The following FRYL variants were observed in gnomAD, a reference collection of about 807,000 sequenced individuals.
FRYL encodes FRY like transcription coactivator.
A neutral mutation model predicts 351.2 loss-of-function variants in FRYL; 150 were observed. The ratio of observed to expected loss-of-function variants is 0.43; its 90% CI spans 0.37 to 0.49. The LOEUF is 0.49. FRYL is among the 20% of genes least tolerant of loss of function. The pLI is 0.00. For missense variants in FRYL, 3,036 were observed against 3,619.3 expected (o/e 0.84, Z 4.13); for synonymous variants, 1,153 against 1,257.1 (o/e 0.92, Z 1.75).
Position 48,579,180 on chromosome 4 carries a change from G to A in FRYL, c.2321C>T (p.Ser774Phe). 6.2e-7 allele frequency: 1 copy of A among 1,613,826 alleles called. No homozygotes were observed. Among genetic ancestry groups the A allele is most frequent in the Non-Finnish European group, 8.5e-7 (1 of 1,179,754 alleles). The change falls in exon 23 of 64, where the codon TCT (serine) becomes TTT (phenylalanine). Residue 774 changes from serine to phenylalanine, a missense_variant. By Grantham distance (155) the Ser-to-Phe change is radical. Around this residue, in one of 7 missense-constraint regions of FRYL, gnomAD observed 492 missense variants for 551.5 expected, o/e 0.89. Transcript: ENST00000358350. ...DLQTLAEWNS[S>F]PISHQFDVIS... ...CACATCAAACTGGTGGCTAATAGGA[G>A]AAGAGTTCCATTCTGCTAAAGTTTG... is the stretch of plus-strand genomic sequence containing the variant.
At chr4:48,671,831 C>CGA (rs1006122077) in intron 3 of FRYL, among the ~76,000 whole-genome samples, 3 of 111,752 alleles carry the variant, frequency 2.7e-5, no homozygotes, top group African/African-American at 3.4e-5. Flanking sequence ...CCAGCCTGGG[C>CGA]GAGAGAGAGA....
chr4:48,678,652 A>G (rs1443959406), intron 3 of FRYL, among the ~76,000 whole-genome samples: 2 of 151,878 alleles, frequency 1.3e-5, no homozygotes, highest in African/African-American at 4.8e-5. Flanking sequence ...TCATTTCCTG[A>G]GGTTGAATTT....
chr4:48,773,788 A>ATGCCT (rs1775750101), intron 1 of FRYL, among the ~76,000 whole-genome samples: 1 of 152,170 alleles, frequency 6.6e-6, no homozygotes, highest in African/African-American at 2.4e-5. Context: ...GTGGTGGCAC[A>ATGCCT]TGCCTGTGGT....
intron 47 of FRYL, 72 bp downstream of exon 47, chr4:48,539,899 T>C: frequency 1.8e-6 from 2 of 1,104,032 alleles, no homozygotes; most frequent in Non-Finnish European, 2.7e-6. Flanking sequence ...TTTAAGAGAT[T>C]TCCCCCTCCT....
At chr4:48,692,159 T>G (rs1765732978) in intron 2 of FRYL, among the ~76,000 whole-genome samples, 1 of 152,206 alleles carries the variant, frequency 6.6e-6, no homozygotes, top group African/African-American at 2.4e-5. Context: ...TATTTAGCCC[T>G]GAGTTAGGAT....
intron 4 of FRYL, among the ~76,000 whole-genome samples, chr4:48,633,725 T>A (rs1358631083): frequency 6.6e-6 from 1 of 152,170 alleles, no homozygotes; most frequent in Non-Finnish European, 1.5e-5. Context: ...CTGCAACCAT[T>A]TCTACTTCTA....
At chr4:48,616,085 G>T (rs1381698188) in intron 7 of FRYL, among the ~76,000 whole-genome samples, 1 of 152,060 alleles carries the variant, frequency 6.6e-6, no homozygotes, top group Admixed American at 6.6e-5. Context: ...GGGAGCTAGG[G>T]GAGGGACGGC....
Position 48,634,484 on chromosome 4 carries a change from G to A in FRYL, c.-74C>T, listed in dbSNP as rs777626812. ...GTATTTATTTACTTTGCTGACTGGCGCTGAAGCTAAAAGTAAAAGAAACAA... is the reference window on the plus strand; with the variant it reads ...GTATTTATTTACTTTGCTGACTGGCACTGAAGCTAAAAGTAAAAGAAACAA... On this transcript the variant is annotated 5_prime_UTR_variant, in exon 4 of 64. Transcript: ENST00000358350. The A allele has an allele frequency of 2.2e-5, 36 of 1,605,812 alleles. No individual in the cohort carries two copies. The highest frequency in any genetic ancestry group is 1.5e-4 in the African/African-American group (11 of 74,570).
intron 2 of FRYL, among the ~76,000 whole-genome samples, chr4:48,698,100 T>C (rs1766375640): frequency 6.6e-6 from 1 of 152,142 alleles, no homozygotes; most frequent in Admixed American, 6.5e-5. Context: ...AAAGGAGACA[T>C]GGGCAGTAGC....
At chr4:48,626,631 G>T (rs1751883966) in intron 4 of FRYL, among the ~76,000 whole-genome samples, 1 of 151,820 alleles carries the variant, frequency 6.6e-6, no homozygotes, top group African/African-American at 2.4e-5. Context: ...ATGATAATTG[G>T]TTTTTCTGTT....
At chr4:48,777,006 T>G (rs1425039305) in intron 1 of FRYL, among the ~76,000 whole-genome samples, 32 of 152,268 alleles carry the variant, frequency 2.1e-4, no homozygotes. Flanking sequence ...CTCATTAAAC[T>G]GTATACATCT....
Position 48,540,463 on chromosome 4 carries a change from A to T in FRYL, c.6185T>A (p.Leu2062His). The part of the protein sequence containing the change: ...KWTNFPGLQQ[L>H]FLKGFTSAST... ...TGCTGAGGTAAAACCCTTAAGGAAG[A>T]GCTGCTGAAGTCCTGGAAAATTAGT... The change falls in exon 46 of 64, where the codon CTC (leucine) becomes CAC (histidine). Residue 2062 changes from leucine (L) to histidine (H), a missense_variant. Leu to His is a moderately conservative substitution (Grantham distance 99, BLOSUM62 -3). Transcript: ENST00000358350. The T allele has an allele frequency of 6.2e-7, 1 of 1,614,076 alleles. No homozygotes were observed.
chr4:48,604,108 T>C (rs1746252219), intron 11 of FRYL, among the ~76,000 whole-genome samples: 1 of 152,262 alleles, frequency 6.6e-6, no homozygotes, highest in Admixed American at 6.5e-5. Context: ...GTTTATTTTC[T>C]ATTTTCTGCA....
At chr4:48,639,279 T>G (rs1754869946) in intron 3 of FRYL, among the ~76,000 whole-genome samples, 1 of 152,090 alleles carries the variant, frequency 6.6e-6, no homozygotes. Flanking sequence ...GTCAGAGGAC[T>G]GACAGGACGT....
intron 53 of FRYL, 75 bp downstream of exon 53, chr4:48,527,402 A>T: frequency 8.0e-7 from 1 of 1,255,500 alleles, no homozygotes; most frequent in Non-Finnish European, 1.1e-6. Context: ...TCAATAAGGA[A>T]TGATCCTGTG....
At chr4:48,692,977 A>T (rs913708879) in intron 2 of FRYL, among the ~76,000 whole-genome samples, 3 of 152,236 alleles carry the variant, frequency 2.0e-5, no homozygotes, top group African/African-American at 7.2e-5. Context: ...CTTAAGAAAA[A>T]GTCTTGAAAC....
chr4:48,631,952 T>C lies in FRYL; in HGVS notation c.120+2339A>G, dbSNP rs142568805. Among the ~76,000 whole-genome samples, 20 of 144,650 alleles carry C rather than the reference T, an allele frequency of 1.4e-4. No homozygotes were observed. The East Asian group carries it at 4.1e-3, about 29-fold the overall frequency. The allele number at this position is 144,650 out of a possible 152,430, so 94.9% of individuals were successfully genotyped here. ...CCTGTAGTCTCAGCTACTCAGGAGATTGGGGTGGGAGGATTGCCTGAACCT... is the reference window on the plus strand; with the variant it reads ...CCTGTAGTCTCAGCTACTCAGGAGACTGGGGTGGGAGGATTGCCTGAACCT... On this transcript the variant is annotated intron_variant, in intron 4 of 63. Transcript: ENST00000358350.
intron 47 of FRYL, among the ~76,000 whole-genome samples, chr4:48,538,772 C>T (rs1240616143): frequency 6.6e-6 from 1 of 150,988 alleles, no homozygotes; most frequent in Non-Finnish European, 1.5e-5. Flanking sequence ...TCTTGCTATT[C>T]ACTCACCTCC....
At chr4:48,630,505 C>A (rs1267169107) in intron 4 of FRYL, among the ~76,000 whole-genome samples, 4 of 152,130 alleles carry the variant, frequency 2.6e-5, no homozygotes, top group African/African-American at 9.7e-5. Context: ...TAGTCCCCAG[C>A]AATCTAAAAG....
Sources: gnomAD v4.1 joint callset for allele counts (sites outside exome capture counted in the v4.1 genomes callset) on GRCh38, gnomAD v4.1.1 for gene constraint, gnomAD v4.1.1 regional missense constraint, MANE v1.5 for transcripts, NCBI Gene and HGNC (gene_info 2026-07-23, HGNC 2026-07-21) for gene names.